Variants in NT5DC4 observed in about 807,000 individuals in gnomAD.
NT5DC4 encodes 5'-nucleotidase domain containing 4.
NT5DC4 carries 44 observed loss-of-function variants against 26.6 expected under a neutral mutation model. The observed-to-expected ratio is 1.65, with a 90% CI of 1.30 to 2.13. The LOEUF is 2.13. Among genes scored for constraint, NT5DC4 ranks in the 30% most tolerant of loss-of-function variants. The pLI is 0.00. For synonymous variants in NT5DC4, 157 were observed against 86.7 expected (o/e 1.81, Z -4.51); for missense variants, 399 against 228.1 (o/e 1.75, Z -4.83).
chr2:112,734,869 T>C (rs1456728080), intron 16 of NT5DC4, among the ~76,000 whole-genome samples: 2 of 152,092 alleles, frequency 1.3e-5, no homozygotes, highest in African/African-American at 2.4e-5. Flanking sequence ...TTTGTATTTT[T>C]AGTAGAGACA....
chr2:112,722,906 T>A, intron 6 of NT5DC4, 135 bp downstream of exon 6: 1 of 165,736 alleles, frequency 6.0e-6, no homozygotes. Flanking sequence ...AAGGCCTCTA[T>A]TGCAGGCTAG....
Position 112,722,279 on chromosome 2 carries a change from G to A in NT5DC4, c.362+1G>A, listed in dbSNP as rs1432553686. On this transcript the variant is annotated splice_donor_variant, in intron 4 of 16. Coordinates refer to ENST00000688554, the MANE Select transcript of NT5DC4 (RefSeq NM_001393655.1). LOFTEE classifies it high-confidence loss of function. ...CCTATGGCTTCACCTTCCTCTCGGAGTAAGGGACAAAGGTGCCGGGAGAGT... is the reference window on the plus strand; with the variant it reads ...CCTATGGCTTCACCTTCCTCTCGGAATAAGGGACAAAGGTGCCGGGAGAGT... The A allele has an allele frequency of 1.4e-6, 1 of 717,054 alleles. No individual in the cohort carries two copies. Among genetic ancestry groups the A allele is most frequent in the Non-Finnish European group, 2.6e-6 (1 of 385,086 alleles). 44.4% of individuals were successfully genotyped at this position (717,054 alleles called of 1,614,324 possible).
At chr2:112,742,815 C>A (rs757359053), downstream of NT5DC4, 7 of 1,417,458 alleles carry the variant, frequency 4.9e-6, no homozygotes, top group Non-Finnish European at 6.8e-6. Flanking sequence ...AACATTCATG[C>A]AAAAAATTTG....
chr2:112,736,202 C>T (rs1006916094), intron 16 of NT5DC4, among the ~76,000 whole-genome samples: 1 of 152,066 alleles, frequency 6.6e-6, no homozygotes, highest in Non-Finnish European at 1.5e-5. Flanking sequence ...CAAGAATATT[C>T]CTAACACAGG....
chr2:112,719,924 C>CTTTCTTTCTCTT (rs758520099), upstream of NT5DC4, among the ~76,000 whole-genome samples: 1 of 69,124 alleles, frequency 1.4e-5, no homozygotes, highest in Admixed American at 1.8e-4. Flanking sequence ...TTCTTTCTTT[C>CTTTCTTTCTCTT]TCTTTCTTTC....
chr2:112,741,538 C>A (rs959812140), downstream of NT5DC4, among the ~76,000 whole-genome samples: 1 of 152,230 alleles, frequency 6.6e-6, no homozygotes, highest in Non-Finnish European at 1.5e-5. Context: ...CTGTGCCAGG[C>A]ACACTGTGGC....
At chr2:112,726,178 C>CA in intron 13 of NT5DC4, 60 bp from the exon 14 acceptor site, 1 of 715,826 alleles carries the variant, frequency 1.4e-6, no homozygotes, top group Non-Finnish European at 2.6e-6. Context: ...CACAGGCAGG[C>CA]AGGGCCAGTG....
intron 16 of NT5DC4, among the ~76,000 whole-genome samples, chr2:112,733,850 T>C (rs1222882036): frequency 1.3e-4 from 20 of 152,246 alleles, no homozygotes; most frequent in Admixed American, 1.2e-3. Context: ...CATTTATTTG[T>C]AGAATAAATG....
Position 112,729,642 on chromosome 2 carries a change from G to T in NT5DC4, c.1282G>T (p.Val428Phe), listed in dbSNP as rs778172357. 7.0e-6 allele frequency: 5 copies of T among 717,872 alleles called. No homozygotes were observed. Among genetic ancestry groups the T allele is most frequent in the African/African-American group, 3.5e-5 (2 of 57,272 alleles). 44.5% of individuals were successfully genotyped at this position (717,872 alleles called of 1,614,324 possible). ...KREIQMPHES[V>F]VEQEQANLDP... ...ATCCCTACAGATGCCACATGAGTCA[G>T]TTGTGGAGCAAGAACAGGCCAATCT... is the stretch of plus-strand genomic sequence containing the variant. Residue 428 changes from valine (V) to phenylalanine (F), a missense_variant, in exon 16 of 17, where the codon GTT (valine) becomes TTT (phenylalanine). Transcript: ENST00000688554.
intron 16 of NT5DC4, among the ~76,000 whole-genome samples, chr2:112,735,193 A>AC (rs1381815114): frequency 6.7e-6 from 1 of 149,542 alleles, no homozygotes; most frequent in Non-Finnish European, 1.5e-5. Flanking sequence ...ACAGGTGCGT[A>AC]CCCCCACGCC....
chr2:112,727,104 A>G, intron 15 of NT5DC4: 1 of 267,398 alleles, frequency 3.7e-6, no homozygotes, highest in Non-Finnish European at 7.5e-6. Context: ...GGTCCTTGGA[A>G]AAGAGAAGAA....
At chr2:112,740,937 T>C (rs1337505414), downstream of NT5DC4, 3 of 1,613,960 alleles carry the variant, frequency 1.9e-6, no homozygotes, top group Non-Finnish European at 2.5e-6. Context: ...ACTTCACAGA[T>C]TCCATCTTCT....
chr2:112,722,346 AGAGG>A (rs921506684), intron 4 of NT5DC4, 68 bp downstream of exon 4: 38 of 713,660 alleles, frequency 5.3e-5, no homozygotes, highest in Non-Finnish European at 6.5e-5. Flanking sequence ...GGGGGAGGAC[AGAGG>A]GAGGGAGGGA....
chr2:112,719,960 T>C (rs1676719080), upstream of NT5DC4, among the ~76,000 whole-genome samples: 1 of 128,340 alleles, frequency 7.8e-6, no homozygotes, highest in African/African-American at 3.1e-5. Context: ...CTTTCTTTCT[T>C]TCTTTCTTTC....
At chr2:112,736,436 T>C (rs952923305) in intron 16 of NT5DC4, among the ~76,000 whole-genome samples, 2 of 151,620 alleles carry the variant, frequency 1.3e-5, no homozygotes, top group Admixed American at 6.5e-5. Flanking sequence ...ATGGCTGCTA[T>C]AGTGAAGCAG....
At chr2:112,729,803 A>T (rs967496721) in intron 16 of NT5DC4, 99 bp downstream of exon 16, 4 of 690,776 alleles carry the variant, frequency 5.8e-6, no homozygotes, top group East Asian at 5.5e-5. Context: ...GCATGAGGCA[A>T]TTGGTGGGGG....
chr2:112,729,572 G>A, intron 15 of NT5DC4, 55 bp from the exon 16 acceptor site: 1 of 716,828 alleles, frequency 1.4e-6, no homozygotes, highest in Admixed American at 2.0e-5. Context: ...GAGGAATCCT[G>A]GAAGGCCGTA....
At chr2:112,725,153 G>A (rs1558729595) in intron 11 of NT5DC4, 21 bp from the exon 12 acceptor site, 2 of 710,594 alleles carry the variant, frequency 2.8e-6, no homozygotes, top group African/African-American at 1.8e-5. Context: ...CTGGCTCCAG[G>A]GCACCCCTCT....
chr2:112,730,130 T>C (rs772254740), intron 16 of NT5DC4, among the ~76,000 whole-genome samples: 3 of 151,850 alleles, frequency 2.0e-5, no homozygotes, highest in Non-Finnish European at 4.4e-5. Context: ...CTGGCCAACA[T>C]GGTGAAAACC....
Sources: gnomAD v4.1 joint callset for allele counts (sites outside exome capture counted in the v4.1 genomes callset) on GRCh38, gnomAD v4.1.1 for gene constraint, MANE v1.5 for transcripts, NCBI Gene and HGNC (gene_info 2026-07-23, HGNC 2026-07-21) for gene names.